TRANK1: variants seen among roughly 807,000 people sequenced by gnomAD.
TRANK1 encodes tetratricopeptide repeat and ankyrin repeat containing 1.
In TRANK1, 198 loss-of-function variants were observed where a neutral mutation model predicts 266.0. That is an observed-to-expected ratio of 0.74 (90% CI 0.66 to 0.84). The LOEUF (loss-of-function observed/expected upper bound fraction) is 0.84, where lower values mean the gene tolerates loss of function less well. Ranked by LOEUF, TRANK1 falls within the 40% of genes least tolerant of loss-of-function variation. TRANK1 has a pLI of 0.00. For synonymous variants in TRANK1, 1,396 were observed against 1,384.1 expected, an observed-to-expected ratio of 1.01 and a Z score of -0.19; for missense variants, 3,326 against 3,634.6, an observed-to-expected ratio of 0.92 and a Z score of 2.18.
At chr3:36,881,151 C>A (rs1266788745) in intron 8 of TRANK1, among the ~76,000 whole-genome samples, 2 of 151,890 alleles carry the variant, frequency 1.3e-5, no homozygotes, top group Non-Finnish European at 1.5e-5. Context: ...AAAATTCATT[C>A]TTTTAAAGTG....
At chr3:36,899,380 C>T (rs1460371726) in intron 3 of TRANK1, 121 bp from the exon 4 acceptor site, 1 of 1,085,280 alleles carries the variant, frequency 9.2e-7, no homozygotes, top group Non-Finnish European at 1.3e-6. Flanking sequence ...TCTGGCTGGG[C>T]ACAGTGGCTC....
chr3:36,845,800 T>A (rs1253459166), intron 17 of TRANK1, among the ~76,000 whole-genome samples: 1 of 152,346 alleles, frequency 6.6e-6, no homozygotes, highest in East Asian at 1.9e-4. Flanking sequence ...TAGTTTCTTG[T>A]AACTACAAAC....
chr3:36,895,408 T>C (rs2079774118), intron 5 of TRANK1, among the ~76,000 whole-genome samples: 1 of 152,258 alleles, frequency 6.6e-6, no homozygotes, highest in Non-Finnish European at 1.5e-5. Flanking sequence ...TTTACATTTC[T>C]TTGATGACAG....
rs1321410430 is a variant in TRANK1, at chr3:36,856,503, G to A, written c.3219C>T (p.Ile1073=). Residue 1073 remains isoleucine (I), a synonymous_variant, in exon 13 of 24, where the codon ATC becomes ATT. Coordinates refer to ENST00000645898, the MANE Select transcript of TRANK1 (RefSeq NM_001329998.2). ...DLNPRPLEPI[I]LIGRSGTGKT... is the part of the protein sequence containing the mutation. ...TCCCAGTGCCACTTCGCCCAATAAG[G>A]ATGATGGGCTCCAGTGGCCTGGGAT... The A allele has an allele frequency of 6.2e-7, 1 of 1,613,992 alleles. No homozygotes were observed.
chr3:36,847,118 A>G (rs908091123), intron 16 of TRANK1, 82 bp downstream of exon 16: 5 of 1,466,832 alleles, frequency 3.4e-6, no homozygotes, highest in African/African-American at 2.8e-5. Context: ...TGCAAGCTCC[A>G]TTTTTCCTCT....
intron 9 of TRANK1, 134 bp downstream of exon 9, chr3:36,873,992 G>T: frequency 1.4e-4 from 79 of 550,286 alleles, no homozygotes; most frequent in Middle Eastern, 3.4e-4. Context: ...GTTTTCCAAA[G>T]ATTGGTAGGT....
chr3:36,870,801 AC>A (rs976979338), intron 9 of TRANK1, among the ~76,000 whole-genome samples: 4 of 152,088 alleles, frequency 2.6e-5, no homozygotes, highest in Non-Finnish European at 4.4e-5. Context: ...TGAAAAGGGG[AC>A]ACACTGAGAT....
At chr3:36,907,596 C>T (rs1258003666) in intron 2 of TRANK1, among the ~76,000 whole-genome samples, 1 of 150,770 alleles carries the variant, frequency 6.6e-6, no homozygotes, top group Admixed American at 6.7e-5. Flanking sequence ...TCCGGAGTAG[C>T]TGGGACTACA....
chr3:36,884,658 C>A (rs954661079), intron 8 of TRANK1, among the ~76,000 whole-genome samples: 1 of 152,216 alleles, frequency 6.6e-6, no homozygotes, highest in East Asian at 1.9e-4. Context: ...ATAGGCCAGG[C>A]GTAGTGGCTC....
intron 15 of TRANK1, chr3:36,850,537 G>A: frequency 2.0e-6 from 2 of 979,772 alleles, no homozygotes; most frequent in South Asian, 4.7e-5. Flanking sequence ...GGGAGGCCAA[G>A]GCAGGAAGAT....
In TRANK1 at chr3:36,871,312, G is replaced by C. The variant is rs369319382; in HGVS notation, c.1078+2814C>G. The stretch of plus-strand genomic sequence containing the variant: ...CTGAGGCAGGAGAAACGCTTGAACC[G>C]GGGAGGCGGAGGTTGCAGTGAGCCA... On this transcript the variant is annotated intron_variant, in intron 9 of 23. Coordinates refer to ENST00000645898, the MANE Select transcript of TRANK1 (RefSeq NM_001329998.2). Among the ~76,000 whole-genome samples, 6 of 152,134 alleles carry C rather than the reference G, an allele frequency of 3.9e-5. No homozygotes were observed. In the South Asian group the frequency reaches 1.2e-3, roughly 32 times the overall value.
intron 8 of TRANK1, among the ~76,000 whole-genome samples, chr3:36,883,810 A>G (rs993678593): frequency 1.3e-5 from 2 of 152,226 alleles, no homozygotes; most frequent in Admixed American, 6.5e-5. Flanking sequence ...AAAATCAAAC[A>G]GGATGTGGGG....
At chr3:36,858,625 TTTACACA>T in intron 12 of TRANK1, 86 bp downstream of exon 12, 1 of 1,358,096 alleles carries the variant, frequency 7.4e-7, no homozygotes, top group Non-Finnish European at 9.5e-7. Context: ...AGATCACTGG[TTTACACA>T]AAAGGAAAGA....
At chr3:36,849,013 G>A (rs970026560) in intron 15 of TRANK1, among the ~76,000 whole-genome samples, 4 of 152,132 alleles carry the variant, frequency 2.6e-5, no homozygotes, top group African/African-American at 4.8e-5. Context: ...TTAGGAGTGC[G>A]CTTATGTACT....
At chr3:36,851,169 TG>T (rs2125535355) in intron 15 of TRANK1, 1 of 985,732 alleles carries the variant, frequency 1.0e-6, no homozygotes, top group African/African-American at 1.7e-5. Flanking sequence ...ACTCTTTGGC[TG>T]CCATCATCTG....
Position 36,849,334 on chromosome 3 carries a change from C to T in TRANK1, c.4888-1988G>A, listed in dbSNP as rs954699237. On this transcript the variant is annotated intron_variant, in intron 15 of 23. Transcript: ENST00000645898. ...TTGAGGGTGACTGGAAGAATGACTT[C>T]CTCTCCCCCAAAAAGAAGGCAACAT... is the stretch of plus-strand genomic sequence containing the variant. 2.0e-5 allele frequency among the ~76,000 whole-genome samples: 3 copies of T among 152,162 alleles called. No individual in the cohort carries two copies. The South Asian group carries it at 6.2e-4, about 32-fold the overall frequency.
chr3:36,837,534 C>T (rs545580194), intron 20 of TRANK1, among the ~76,000 whole-genome samples: 45 of 152,308 alleles, frequency 3.0e-4, no homozygotes, highest in African/African-American at 1.1e-3. Context: ...AATGCAATGG[C>T]CCACAGCTCC....
chr3:36,830,424 G>A (rs2078677669), intron 22 of TRANK1, among the ~76,000 whole-genome samples: 1 of 152,168 alleles, frequency 6.6e-6, no homozygotes, highest in South Asian at 2.1e-4. Context: ...GAAGAGACCA[G>A]CTAGACCAGC....
At chr3:36,925,952 CT>C (rs2080282804) in intron 1 of TRANK1, among the ~76,000 whole-genome samples, 1 of 152,168 alleles carries the variant, frequency 6.6e-6, no homozygotes, top group Non-Finnish European at 1.5e-5. Context: ...AACTCTCCAA[CT>C]ACCTCTCTTA....
Sources: allele counts gnomAD v4.1 joint callset (sites outside exome capture counted in the v4.1 genomes callset), GRCh38; gene constraint gnomAD v4.1.1; transcripts MANE v1.5; gene names NCBI Gene and HGNC (gene_info 2026-07-23, HGNC 2026-07-21).